The following NETO1 variants were observed in gnomAD, a reference collection of about 807,000 sequenced individuals.
NETO1 encodes neuropilin and tolloid-like protein 1.
NETO1 carries 26 observed loss-of-function variants against 61.3 expected under a neutral mutation model. That is an observed-to-expected ratio of 0.42 (90% CI 0.31 to 0.59). The LOEUF (loss-of-function observed/expected upper bound fraction) is 0.59. Ranked by LOEUF, NETO1 falls within the 20% of genes least tolerant of loss-of-function variation. The pLI, the probability that NETO1 is intolerant of heterozygous loss-of-function variation, is 0.12. For missense variants in NETO1, 531 were observed against 662.8 expected (o/e 0.80, Z 2.18); for synonymous variants, 225 against 225.8 (o/e 1.00, Z 0.03).
intron 7 of NETO1, among the ~76,000 whole-genome samples, chr18:72,772,091 A>T (rs35557953): frequency 0.32 from 49,122 of 152,022 alleles, 8,570 homozygotes; most frequent in South Asian, 0.48. Context: ...CCCCACTTTC[A>T]TGCTGACTGG....
chr18:72,835,757 T>C (rs1293591561), intron 4 of NETO1, among the ~76,000 whole-genome samples: 2 of 152,174 alleles, frequency 1.3e-5, no homozygotes, highest in Non-Finnish European at 2.9e-5. Flanking sequence ...GCAGTAACTG[T>C]AGAAATAAAT....
At chr18:72,865,119 G>A (rs892682512) in intron 2 of NETO1, 69 bp downstream of exon 2, 3 of 1,487,852 alleles carry the variant, frequency 2.0e-6, no homozygotes, top group African/African-American at 1.4e-5. Flanking sequence ...AATATTAACA[G>A]TAGGAGGAAA....
chr18:72,829,320 G>A (rs2073496179), intron 4 of NETO1, among the ~76,000 whole-genome samples: 1 of 152,048 alleles, frequency 6.6e-6, no homozygotes, highest in African/African-American at 2.4e-5. Flanking sequence ...CTGATCTATA[G>A]ACCAACCAAA....
rs58090308 is a variant in NETO1, at chr18:72,803,714, G to A, written c.470-9310C>T. Among the ~76,000 whole-genome samples the A allele has an allele frequency of 6.6e-3, 1,006 of 151,960 alleles. 11 individuals are homozygous for A. Among genetic ancestry groups the A allele is most frequent in the African/African-American group, 0.023 (951 of 41,440 alleles). ...CACATGCCTGTAATCCCAGATACTC[G>A]GGAGGCTGTGGCAGGATAATTGCTT... On this transcript the variant is annotated intron_variant, in intron 4 of 10. Coordinates refer to ENST00000327305, the MANE Select transcript of NETO1 (RefSeq NM_138966.5).
In NETO1 at chr18:72,744,096, G is replaced by C. The variant is rs1164600503; in HGVS notation, c.*4083C>G. 1 of 152,188 alleles carries C rather than the reference G, an allele frequency of 6.6e-6. No individual in the cohort carries two copies. The highest frequency in any genetic ancestry group is 2.4e-5 in the African/African-American group (1 of 41,454). The allele number at this position is 152,188 out of a possible 1,614,324, so 9.4% of individuals were successfully genotyped here. A position where few individuals can be genotyped will look rare whatever the true frequency, so the allele number is the denominator to read the frequency against. ...TATTTTTCCTACCTCTGAGGAACTAGAGGCATTTTAAGAGAGCATTTACCT... is the reference window on the plus strand; with the variant it reads ...TATTTTTCCTACCTCTGAGGAACTACAGGCATTTTAAGAGAGCATTTACCT... On this transcript the variant is annotated 3_prime_UTR_variant, in exon 11 of 11. Coordinates refer to ENST00000327305, the MANE Select transcript of NETO1 (RefSeq NM_138966.5).
At position 72,772,805 on chromosome 18, in the gene NETO1, C is replaced by G. The variant is rs534963738; in HGVS notation, c.868+10873G>C. On this transcript the variant is annotated intron_variant, in intron 7 of 10. Transcript: ENST00000327305. ...GATCTCTATATAGTTCTCTCTCTCTCTCTCTCTCTCTCTCTCTCTCTATAT... is the reference window on the plus strand; with the variant it reads ...GATCTCTATATAGTTCTCTCTCTCTGTCTCTCTCTCTCTCTCTCTCTATAT... 7.6e-3 allele frequency among the ~76,000 whole-genome samples: 384 copies of G among 50,286 alleles called. 20 individuals are homozygous for G. The highest frequency in any genetic ancestry group is 0.025 in the African/African-American group (357 of 14,118). 33.0% of individuals were successfully genotyped at this position (50,286 alleles called of 152,430 possible). A position where few individuals can be genotyped will look rare whatever the true frequency, so the allele number is the denominator to read the frequency against.
intron 6 of NETO1, among the ~76,000 whole-genome samples, chr18:72,785,396 A>G (rs1350605747): frequency 6.6e-6 from 1 of 152,088 alleles, no homozygotes; most frequent in Non-Finnish European, 1.5e-5. Flanking sequence ...GTCCATTCAC[A>G]TTTCTATAAT....
chr18:72,854,684 T>C (rs181845586), intron 4 of NETO1, among the ~76,000 whole-genome samples: 2 of 151,962 alleles, frequency 1.3e-5, no homozygotes, highest in Non-Finnish European at 2.9e-5. Flanking sequence ...AAGGCATTCT[T>C]AGTTTGAGTA....
chr18:72,806,407 T>C (rs1353162835), intron 4 of NETO1, among the ~76,000 whole-genome samples: 3 of 152,104 alleles, frequency 2.0e-5, no homozygotes, highest in African/African-American at 7.2e-5. Flanking sequence ...CTACCAACAC[T>C]TTCTCTCTCT....
At chr18:72,863,816 G>C (rs1033112997) in intron 3 of NETO1, among the ~76,000 whole-genome samples, 1 of 152,084 alleles carries the variant, frequency 6.6e-6, no homozygotes, top group Non-Finnish European at 1.5e-5. Context: ...GTGTGTGTGG[G>C]GGGAAGGTGG....
rs34744568 is a variant in NETO1 at position 72,753,265 on chromosome 18, G to GAA, written c.983-2647_983-2646dup. On this transcript the variant is annotated intron_variant, in intron 8 of 10. Coordinates refer to ENST00000327305, the MANE Select transcript of NETO1 (RefSeq NM_138966.5). Reference sequence around the variant, plus strand: ...ATAAAACACCTTGAAAGCAACAGAGGAAAAAAAAAACTCATCATAGAAAGG... The same window carrying GAA: ...ATAAAACACCTTGAAAGCAACAGAGGAAAAAAAAAAAACTCATCATAGAAAGG... 9.7e-4 allele frequency among the ~76,000 whole-genome samples: 144 copies of GAA among 148,882 alleles called. 2 individuals are homozygous for GAA. The highest frequency in any genetic ancestry group is 1.4e-3 in the Non-Finnish European group (94 of 67,110).
At chr18:72,835,195 G>C in intron 4 of NETO1, 3 of 1,368,948 alleles carry the variant, frequency 2.2e-6, no homozygotes, top group Non-Finnish European at 1.9e-6. Context: ...CTGGAGATCA[G>C]CATGTGTGCT....
chr18:72,850,388 A>G (rs934269857), intron 4 of NETO1, among the ~76,000 whole-genome samples: 1 of 152,244 alleles, frequency 6.6e-6, no homozygotes, highest in Non-Finnish European at 1.5e-5. Flanking sequence ...CATGCAAATT[A>G]TAAAATATAA....
rs1179855616 is a variant in NETO1, at chr18:72,863,812, GT to G, written c.220+995del. ...AAGACAGTCTTGCCTGTGTGTGTGT[GT>G]GGGGGGAAGGTGGGTGCTTCCAGGT... On this transcript the variant is annotated intron_variant, in intron 3 of 10. Coordinates refer to ENST00000327305, the MANE Select transcript of NETO1 (RefSeq NM_138966.5). 1.4e-4 allele frequency among the ~76,000 whole-genome samples: 21 copies of G among 152,288 alleles called. No homozygotes were observed. The South Asian group carries it at 3.9e-3, about 29-fold the overall frequency.
chr18:72,787,078 C>G lies in NETO1; in HGVS notation c.640-3172G>C, dbSNP rs184301710. ...CACAACAGTGTTTTCAGTTTGTTTA[C>G]TTTTGTTTACTTTTTTGACTAAAAG... On this transcript the variant is annotated intron_variant, in intron 6 of 10. Transcript: ENST00000327305. 3.1e-3 allele frequency among the ~76,000 whole-genome samples: 462 copies of G among 148,408 alleles called. 2 individuals are homozygous for G. Among genetic ancestry groups the G allele is most frequent in the African/African-American group, 0.011 (452 of 40,658 alleles).
At chr18:72,801,004 C>G (rs2072487819) in intron 4 of NETO1, among the ~76,000 whole-genome samples, 1 of 152,180 alleles carries the variant, frequency 6.6e-6, no homozygotes, top group Admixed American at 6.5e-5. Context: ...CACATCTAGA[C>G]TATGTTTCCC....
intron 7 of NETO1, among the ~76,000 whole-genome samples, chr18:72,779,469 A>G (rs1486651418): frequency 1.3e-5 from 2 of 152,176 alleles, no homozygotes; most frequent in African/African-American, 4.8e-5. Context: ...TGAATAAAGC[A>G]ATACCACTGA....
chr18:72,817,576 TATGGAG>T (rs2073066543), intron 4 of NETO1, among the ~76,000 whole-genome samples: 1 of 152,190 alleles, frequency 6.6e-6, no homozygotes, highest in Non-Finnish European at 1.5e-5. Context: ...AAAACCTACA[TATGGAG>T]ACAGAAACCG....
intron 7 of NETO1, among the ~76,000 whole-genome samples, chr18:72,757,233 T>A (rs1186322607): frequency 6.6e-6 from 1 of 152,170 alleles, no homozygotes; most frequent in Non-Finnish European, 1.5e-5. Flanking sequence ...ACTGCAGTCA[T>A]GTTATAATGA....
Sources: gnomAD v4.1 joint callset for allele counts (sites outside exome capture counted in the v4.1 genomes callset) on GRCh38, gnomAD v4.1.1 for gene constraint, MANE v1.5 for transcripts, NCBI Gene and HGNC (gene_info 2026-07-23, HGNC 2026-07-21) for gene names.